SUN3: variants seen among roughly 807,000 people sequenced by gnomAD.
SUN3 encodes SUN domain-containing protein 3.
SUN3 carries 36 observed loss-of-function variants against 48.2 expected under a neutral mutation model. That is an observed-to-expected ratio of 0.75 (90% confidence interval 0.57 to 0.99). The LOEUF is 0.99. Among genes scored for constraint, SUN3 ranks in the 50% least tolerant of loss-of-function variants. The pLI, the probability that SUN3 is intolerant of heterozygous loss-of-function variation, is 0.00. For missense variants in SUN3, 419 were observed against 433.1 expected, an observed-to-expected ratio of 0.97 and a Z score of 0.29; for synonymous variants, 148 against 147.9, an observed-to-expected ratio of 1.00 and a Z score of 0.00.
chr7:48,004,189 T>C (rs550951248), intron 6 of SUN3, among the ~76,000 whole-genome samples: 39 of 152,210 alleles, frequency 2.6e-4, no homozygotes, highest in Non-Finnish European at 4.7e-4. Context: ...ATCTGTGTCA[T>C]GACGGGGTTG....
intron 7 of SUN3, among the ~76,000 whole-genome samples, chr7:47,995,819 A>T (rs1307720696): frequency 6.6e-6 from 1 of 152,244 alleles, no homozygotes; most frequent in African/African-American, 2.4e-5. Context: ...AAAATGATAA[A>T]TAAGTAAATA....
intron 6 of SUN3, among the ~76,000 whole-genome samples, chr7:47,997,383 G>T (rs1789242065): frequency 6.6e-6 from 1 of 152,072 alleles, no homozygotes; most frequent in Non-Finnish European, 1.5e-5. Flanking sequence ...AATTCTGACT[G>T]CCCGCTCACT....
intron 8 of SUN3, chr7:47,991,097 C>G (rs922991475): frequency 4.4e-6 from 2 of 449,488 alleles, no homozygotes; most frequent in African/African-American, 4.0e-5. Flanking sequence ...CAAAACAAAC[C>G]AAAAAAACGG....
chr7:48,008,600 A>G (rs2128777261), intron 4 of SUN3, among the ~76,000 whole-genome samples: 2 of 152,332 alleles, frequency 1.3e-5, no homozygotes, highest in Middle Eastern at 6.8e-3. Flanking sequence ...AGAAGTAGAA[A>G]TATGTAAAAG....
Position 48,005,982 on chromosome 7 carries a change from G to T in SUN3, c.564C>A (p.Ala188=). The T allele has an allele frequency of 1.9e-6, 3 of 1,609,460 alleles. No homozygotes were observed. Among genetic ancestry groups the T allele is most frequent in the Non-Finnish European group, 2.5e-6 (3 of 1,178,004 alleles). ...TTCTGTACTCACCGGCCGACTTCAG[G>T]GCATAATCAGCCATCTCGACTTGGT... The part of the protein sequence containing the change: ...REDQVEMADY[A]LKSAGASIIE... Residue 188 remains alanine, a synonymous_variant, in exon 6 of 10, where the codon GCC becomes GCA. Transcript: ENST00000297325.
chr7:48,012,376 GT>G (rs981435328), intron 3 of SUN3, among the ~76,000 whole-genome samples: 2 of 150,262 alleles, frequency 1.3e-5, no homozygotes, highest in African/African-American at 4.9e-5. Context: ...AGTTTTACTT[GT>G]TTTTTGTTTA....
intron 4 of SUN3, among the ~76,000 whole-genome samples, chr7:48,007,750 G>A (rs1789570427): frequency 1.3e-5 from 2 of 152,162 alleles, no homozygotes; most frequent in African/African-American, 4.8e-5. Flanking sequence ...AGGGGTGCTG[G>A]TGGATCCAGC....
At chr7:48,024,627 C>CT (rs1790085285) in intron 2 of SUN3, among the ~76,000 whole-genome samples, 1 of 152,110 alleles carries the variant, frequency 6.6e-6, no homozygotes, top group Non-Finnish European at 1.5e-5. Context: ...GCTCACAGTT[C>CT]TATAGGCTGT....
In SUN3 at chr7:48,025,882, A is replaced by G. The variant is rs753972845; in HGVS notation, c.179T>C (p.Leu60Pro). Residue 60 changes from leucine to proline, a missense_variant, in exon 2 of 10, where the codon CTT becomes CCT. By Grantham distance (98) the Leu-to-Pro change is moderately conservative. Coordinates refer to ENST00000297325, the MANE Select transcript of SUN3 (RefSeq NM_001030019.2). ...CATTACTTAGGAAGACTTACCTACA[A>G]GAAGAAAAGTCAGTGTAAGCATTGT... ...LSTMLTLTFLLVGLLNHQWLK... is the reference protein window; with the variant it reads ...LSTMLTLTFLPVGLLNHQWLK... The G allele has an allele frequency of 2.5e-6, 4 of 1,598,676 alleles. No homozygotes were observed. Among genetic ancestry groups the G allele is most frequent in the Non-Finnish European group, 3.4e-6 (4 of 1,168,836 alleles).
intron 2 of SUN3, among the ~76,000 whole-genome samples, chr7:48,019,272 T>C (rs1172423919): frequency 6.6e-6 from 1 of 151,510 alleles, no homozygotes; most frequent in Non-Finnish European, 1.5e-5. Flanking sequence ...AAGAAATAAA[T>C]AAAACCTATG....
At chr7:48,017,418 T>C (rs1281974272) in intron 2 of SUN3, 53 bp from the exon 3 acceptor site, 1 of 973,044 alleles carries the variant, frequency 1.0e-6, no homozygotes, top group African/African-American at 1.6e-5. Context: ...AAACATAAAA[T>C]ATTTTACATG....
At chr7:48,027,208 T>C (rs993651909) in intron 1 of SUN3, among the ~76,000 whole-genome samples, 1 of 152,208 alleles carries the variant, frequency 6.6e-6, no homozygotes, top group African/African-American at 2.4e-5. Flanking sequence ...TAGTATTTCA[T>C]TGTGTGAATA....
At chr7:48,035,646 C>G in the SUN3 span, 18 of 666,054 alleles carry the variant, frequency 2.7e-5, no homozygotes, top group African/African-American at 3.3e-4. The surrounding 1 kb of genome is among the most constrained non-coding windows in gnomAD (Gnocchi z 4.0). Context: ...CCTGAGCGGG[C>G]TGGAGGACAA....
chr7:47,987,485 C>G (rs370345779), intron 9 of SUN3, 36 bp from the exon 10 acceptor site: 2 of 1,479,412 alleles, frequency 1.4e-6, no homozygotes, highest in Non-Finnish European at 1.8e-6. Context: ...TGCCTTATAA[C>G]GAAATTCATC....
chr7:47,997,360 G>A (rs181476839), intron 6 of SUN3, among the ~76,000 whole-genome samples: 4 of 152,132 alleles, frequency 2.6e-5, no homozygotes, highest in African/African-American at 4.8e-5. Flanking sequence ...TGTGTACTTC[G>A]TTTTTGAAGG....
At chr7:48,006,340 C>A in intron 5 of SUN3, among the ~76,000 whole-genome samples, 1 of 152,052 alleles carries the variant, frequency 6.6e-6, no homozygotes, top group Non-Finnish European at 1.5e-5. Context: ...AAGCCCTAAC[C>A]ACTGGCATCA....
intron 5 of SUN3, 52 bp downstream of exon 5, chr7:48,007,112 TC>T (rs773437149): frequency 6.4e-7 from 1 of 1,555,184 alleles, no homozygotes; most frequent in Non-Finnish European, 8.7e-7. Flanking sequence ...ACCCTGGACA[TC>T]CGCGCTAACC....
upstream of SUN3, among the ~76,000 whole-genome samples, chr7:48,033,922 C>T (rs1291360408): frequency 1.3e-5 from 2 of 152,120 alleles, no homozygotes; most frequent in African/African-American, 4.8e-5. Context: ...GGCGTGGTAG[C>T]ACGTGCCTGT....
chr7:48,015,089 C>T (rs1363438565), intron 3 of SUN3, among the ~76,000 whole-genome samples: 2 of 152,146 alleles, frequency 1.3e-5, no homozygotes, highest in African/African-American at 4.8e-5. Flanking sequence ...CATGGCCTAG[C>T]CAAAGTGACA....
Sources: gnomAD v4.1 joint callset for allele counts (sites outside exome capture counted in the v4.1 genomes callset) on GRCh38, gnomAD v4.1.1 for gene constraint, Gnocchi (gnomAD v3.1) non-coding constraint, MANE v1.5 for transcripts, NCBI Gene and HGNC (gene_info 2026-07-23, HGNC 2026-07-21) for gene names.